Variants in NF2 observed in about 807,000 individuals in gnomAD.
NF2 encodes the protein NF2, moesin-ezrin-radixin like (MERLIN) tumor suppressor.
Under a neutral mutation model 83.7 loss-of-function variants are expected in NF2, and 8 were observed. The observed-to-expected ratio is 0.10, with a 90% CI of 0.06 to 0.17. The LOEUF (loss-of-function observed/expected upper bound fraction) is 0.17, where lower values mean the gene tolerates loss of function less well. Ranked by LOEUF, NF2 falls within the 10% of genes least tolerant of loss-of-function variation. The pLI, the probability that NF2 is intolerant of heterozygous loss-of-function variation, is 1.00. For missense variants in NF2, 533 were observed against 744.4 expected (o/e 0.72, Z 3.31); for synonymous variants, 266 against 269.6 (o/e 0.99, Z 0.13).
intron 2 of NF2, among the ~76,000 whole-genome samples, chr22:29,638,165 G>A (rs1358852457): frequency 2.0e-5 from 3 of 152,140 alleles, no homozygotes; most frequent in Non-Finnish European, 4.4e-5. Context: ...AAGCTTTACA[G>A]GGGTGAATGG....
At chr22:29,635,636 AT>A (rs1180808399) in intron 1 of NF2, among the ~76,000 whole-genome samples, 3 of 151,936 alleles carry the variant, frequency 2.0e-5, no homozygotes, top group East Asian at 3.9e-4. Flanking sequence ...CTGCCTAAGA[AT>A]TTTTTTCATT....
At chr22:29,678,403 G>A (rs1043545510) in intron 14 of NF2, 80 bp downstream of exon 14, 8 of 1,553,318 alleles carry the variant, frequency 5.2e-6, no homozygotes, top group African/African-American at 2.7e-5. Context: ...TGGGGCAGAG[G>A]TGAGAGGTCG....
intron 1 of NF2, among the ~76,000 whole-genome samples, chr22:29,613,452 A>T (rs978673340): frequency 9.9e-5 from 15 of 152,040 alleles, no homozygotes; most frequent in Non-Finnish European, 2.1e-4. Context: ...AATCCCTTGA[A>T]CCCAGGAGGT....
intron 8 of NF2, among the ~76,000 whole-genome samples, chr22:29,662,804 C>T (rs2066515659): frequency 6.6e-6 from 1 of 152,178 alleles, no homozygotes; most frequent in Non-Finnish European, 1.5e-5. Context: ...TCAGGGAGGC[C>T]CAGAGGCTGA....
At chr22:29,631,188 A>G (rs769906366) in intron 1 of NF2, among the ~76,000 whole-genome samples, 2 of 152,212 alleles carry the variant, frequency 1.3e-5, no homozygotes, top group Non-Finnish European at 2.9e-5. Context: ...GTCAGATACT[A>G]GAAAAGTGCA....
Position 29,604,021 on chromosome 22 carries a change from G to T in NF2, c.23G>T (p.Arg8Leu), listed in dbSNP as rs775564806. Residue 8 changes from arginine (R) to leucine (L), a missense_variant, in exon 1 of 16, where the codon CGC (arginine) becomes CTC (leucine). Arg to Leu is a moderately radical substitution (Grantham distance 102). Around this residue, in one of 3 missense-constraint regions of NF2, gnomAD observed 326 missense variants for 475.1 expected, o/e 0.69. Coordinates refer to ENST00000338641, the MANE Select transcript of NF2 (RefSeq NM_000268.4). The stretch of plus-strand genomic sequence containing the variant: ...GCCATGGCCGGGGCCATCGCTTCCC[G>T]CATGAGCTTCAGCTCTCTCAAGAGG... MAGAIASRMSFSSLKRKQ... is the reference protein window; with the variant it reads MAGAIASLMSFSSLKRKQ... The T allele has an allele frequency of 1.3e-6, 2 of 1,594,860 alleles. No individual in the cohort carries two copies. The highest frequency in any genetic ancestry group is 1.3e-5 in the African/African-American group (1 of 74,768).
At chr22:29,660,893 C>G (rs1470317317) in intron 7 of NF2, among the ~76,000 whole-genome samples, 2 of 152,206 alleles carry the variant, frequency 1.3e-5, no homozygotes, top group African/African-American at 4.8e-5. Flanking sequence ...AATTCTATAC[C>G]TATGATAGCC....
chr22:29,683,332 G>A (rs2067196381), intron 15 of NF2: 2 of 1,405,416 alleles, frequency 1.4e-6, no homozygotes, highest in Admixed American at 2.9e-5. Context: ...CCCATCTCGG[G>A]TCATTGTTGG....
chr22:29,652,183 C>G (rs1009830190), intron 4 of NF2, among the ~76,000 whole-genome samples: 1 of 152,190 alleles, frequency 6.6e-6, no homozygotes, highest in Non-Finnish European at 1.5e-5. Context: ...CACCCCCCCA[C>G]TTCCCTTCAG....
intron 1 of NF2, among the ~76,000 whole-genome samples, chr22:29,615,612 G>C (rs1201736641): frequency 6.6e-6 from 1 of 152,104 alleles, no homozygotes; most frequent in East Asian, 1.9e-4. Flanking sequence ...GCGTTCCTCT[G>C]TAGTCACAGC....
intron 1 of NF2, among the ~76,000 whole-genome samples, chr22:29,607,466 C>T (rs181548549): frequency 1.1e-4 from 17 of 152,314 alleles, no homozygotes; most frequent in African/African-American, 4.1e-4. Context: ...GGCCTTAACA[C>T]TTTTCAGGGG....
At chr22:29,629,143 G>T (rs1163041276) in intron 1 of NF2, among the ~76,000 whole-genome samples, 1 of 152,044 alleles carries the variant, frequency 6.6e-6, no homozygotes, top group Admixed American at 6.5e-5. Context: ...CTGAGGTGTG[G>T]TGTATCCTTT....
At chr22:29,667,348 C>G (rs2066653797) in intron 9 of NF2, among the ~76,000 whole-genome samples, 1 of 152,022 alleles carries the variant, frequency 6.6e-6, no homozygotes, top group Admixed American at 6.5e-5. Flanking sequence ...AGTGATCCTC[C>G]CACCTCACCC....
At chr22:29,629,053 T>C (rs1316180168) in intron 1 of NF2, among the ~76,000 whole-genome samples, 4 of 152,200 alleles carry the variant, frequency 2.6e-5, no homozygotes, top group East Asian at 3.8e-4. Flanking sequence ...CTATTTTTTT[T>C]CCCACACTTT....
At chr22:29,650,538 C>T (rs1569290726) in intron 4 of NF2, among the ~76,000 whole-genome samples, 1 of 151,522 alleles carries the variant, frequency 6.6e-6, no homozygotes, top group African/African-American at 2.4e-5. Flanking sequence ...TTCTTTCTTT[C>T]TCTTTCTCTT....
intron 8 of NF2, among the ~76,000 whole-genome samples, chr22:29,661,970 A>G (rs1464694577): frequency 6.6e-6 from 1 of 152,188 alleles, no homozygotes; most frequent in Non-Finnish European, 1.5e-5. Flanking sequence ...TTCCAAAATA[A>G]TTAAGGTGGA....
At chr22:29,677,264 G>T (rs905745886) in intron 13 of NF2, among the ~76,000 whole-genome samples, 1 of 152,176 alleles carries the variant, frequency 6.6e-6, no homozygotes, top group African/African-American at 2.4e-5. Context: ...TTGCCGGCTG[G>T]CTGGGAGGGG....
chr22:29,652,141 C>G (rs528908922), intron 4 of NF2, among the ~76,000 whole-genome samples: 1 of 152,188 alleles, frequency 6.6e-6, no homozygotes, highest in African/African-American at 2.4e-5. Flanking sequence ...AGAGAGGATG[C>G]CTTACTCAAG....
chr22:29,658,102 C>A, intron 6 of NF2, 87 bp from the exon 7 acceptor site: 1 of 1,219,482 alleles, frequency 8.2e-7, no homozygotes, highest in Non-Finnish European at 1.2e-6. Context: ...AGAGGAATGG[C>A]AGGGTCAGAA....
Sources: allele counts gnomAD v4.1 joint callset (sites outside exome capture counted in the v4.1 genomes callset), GRCh38; gene constraint gnomAD v4.1.1; regional missense constraint gnomAD v4.1.1; transcripts MANE v1.5; gene names NCBI Gene and HGNC (gene_info 2026-07-23, HGNC 2026-07-21).